SEC16A: variants seen among roughly 807,000 people sequenced by gnomAD.
SEC16A encodes SEC16 homolog A, endoplasmic reticulum export factor.
A neutral mutation model predicts 221.9 loss-of-function variants in SEC16A; 110 were observed. That is an observed-to-expected ratio of 0.50 (90% CI 0.42 to 0.58). The LOEUF (loss-of-function observed/expected upper bound fraction) is 0.58. Ranked by LOEUF, SEC16A falls within the 20% of genes least tolerant of loss-of-function variation. The pLI, the probability that SEC16A is intolerant of heterozygous loss-of-function variation, is 0.00. For synonymous variants in SEC16A, 1,393 were observed against 1,257.7 expected (o/e 1.11, Z -2.28); for missense variants, 3,165 against 3,097.8 (o/e 1.02, Z -0.52).
In SEC16A at chr9:136,447,588, G is replaced by A. The variant is rs767814796; in HGVS notation, c.6540C>T (p.Asn2180=). ...ALPGPPGAPV[N]MYSRRAAGTR... is the part of the protein sequence containing the mutation. ...CCTTACCTGCTCTTCTAGAGTACAT[G>A]TTCACGGGGGCTCCAGGAGGCCCTG... Residue 2180 remains asparagine, a synonymous_variant, in exon 26 of 32, where the codon AAC becomes AAT. Transcript: ENST00000684901. This position sits in a 1 kb window ranked among gnomAD's most constrained non-coding sequence, Gnocchi z 5.5. 3.1e-6 allele frequency: 5 copies of A among 1,613,486 alleles called. No individual in the cohort carries two copies. The highest frequency in any genetic ancestry group is 4.2e-6 in the Non-Finnish European group (5 of 1,179,446).
chr9:136,445,852 G>C (rs1836901662), intron 28 of SEC16A, 133 bp from the exon 29 acceptor site: 1 of 774,712 alleles, frequency 1.3e-6, no homozygotes, highest in Non-Finnish European at 2.1e-6. Context: ...TCCTCAGAGA[G>C]AAGTGAAAAG....
In SEC16A at chr9:136,459,041, G is replaced by C. The variant is rs953363544; in HGVS notation, c.5409+93C>G. ...CCAAAAAACTCACATCATTTTTTTC[G>C]ATACCAATTCAAACAATCTAAGTAG... On this transcript the variant is annotated intron_variant, in intron 17 of 31. Coordinates refer to ENST00000684901, the MANE Select transcript of SEC16A (RefSeq NM_014866.2). This position sits in a 1 kb window ranked among gnomAD's most constrained non-coding sequence, Gnocchi z 6.1. 1 of 793,642 alleles carries C rather than the reference G, an allele frequency of 1.3e-6. No individual in the cohort carries two copies. The highest frequency in any genetic ancestry group is 1.9e-6 in the Non-Finnish European group (1 of 517,476). The allele number at this position is 793,642 out of a possible 1,614,324, so 49.2% of individuals were successfully genotyped here.
In SEC16A at chr9:136,472,035, T is replaced by C. The variant is rs968420041; in HGVS notation, c.3644A>G (p.Tyr1215Cys). The change falls in exon 4 of 32, where the codon TAT becomes TGT. Residue 1215 changes from tyrosine to cysteine, a missense_variant. This residue lies in a region of SEC16A where 2,030 missense variants were observed against 1,923.1 expected (regional missense o/e 1.06). Coordinates refer to ENST00000684901, the MANE Select transcript of SEC16A (RefSeq NM_014866.2). ...GGAGCTGGGCCGCTCGGGCTCGGGA[T>C]AGCGGTAGTTCTGGGCGTAAGCAGA... ...AASAYAQNYR[Y>C]PEPERPSSRA... The C allele has an allele frequency of 6.2e-6, 10 of 1,612,812 alleles. No individual in the cohort carries two copies. Among genetic ancestry groups the C allele is most frequent in the Admixed American group, 5.0e-5 (3 of 60,022 alleles).
intron 23 of SEC16A, chr9:136,448,822 G>A (rs1837399451): frequency 1.4e-6 from 1 of 714,366 alleles, no homozygotes. Context: ...GAGGATGGAG[G>A]TGGGAAGCAG....
At chr9:136,449,267 C>T (rs3124997) in intron 23 of SEC16A, among the ~76,000 whole-genome samples, 152,326 of 152,326 alleles carry the variant, frequency 1, 76,163 homozygotes, top group Non-Finnish European at 1. Context: ...TGTTAGTTTT[C>T]TGAGACAGAG....
chr9:136,467,972 C>A (rs546292636), intron 5 of SEC16A, among the ~76,000 whole-genome samples: 159 of 152,346 alleles, frequency 1.0e-3, no homozygotes, highest in African/African-American at 3.4e-3. Context: ...TGGGGTGGCC[C>A]ATGTCCACAC....
intron 4 of SEC16A, 115 bp downstream of exon 4, chr9:136,471,860 G>T: frequency 1.6e-6 from 2 of 1,251,332 alleles, no homozygotes; most frequent in Non-Finnish European, 2.3e-6. Flanking sequence ...AGATAAGTTT[G>T]TACAATTCTT....
At chr9:136,483,551 C>T (rs376776341), upstream of SEC16A, 2 of 985,232 alleles carry the variant, frequency 2.0e-6, no homozygotes. Flanking sequence ...CCAGGCGCGC[C>T]GGGGCCGTCC....
intron 29 of SEC16A, 61 bp from the exon 30 acceptor site, chr9:136,445,172 C>G: frequency 1.4e-6 from 2 of 1,394,862 alleles, no homozygotes; most frequent in Non-Finnish European, 2.0e-6. Flanking sequence ...CGTCACTGTC[C>G]AATCCAAGCT....
At chr9:136,478,182 A>G (rs2133018609) in intron 2 of SEC16A, among the ~76,000 whole-genome samples, 1 of 152,334 alleles carries the variant, frequency 6.6e-6, no homozygotes, top group East Asian at 1.9e-4. Context: ...AGGCGGGAGG[A>G]CCACTTGAGC....
chr9:136,457,676 C>T, intron 17 of SEC16A, 92 bp from the exon 18 acceptor site: 1 of 1,441,984 alleles, frequency 6.9e-7, no homozygotes, highest in Non-Finnish European at 9.4e-7. Flanking sequence ...GGCTCCCCTG[C>T]ATCCGAGCAT....
chr9:136,455,862 C>A (rs1020580163), intron 19 of SEC16A, 69 bp from the exon 20 acceptor site: 2 of 1,443,772 alleles, frequency 1.4e-6, no homozygotes, highest in African/African-American at 1.4e-5. Flanking sequence ...CCGCCTGCCA[C>A]CACCGCGCTT....
At chr9:136,461,319 T>C in intron 12 of SEC16A, 45 bp from the exon 13 acceptor site, 1 of 1,401,060 alleles carries the variant, frequency 7.1e-7, no homozygotes, top group Non-Finnish European at 9.9e-7. Flanking sequence ...TCGGCGGCGC[T>C]CACGTGACAT....
chr9:136,452,346 G>A (rs1245185744), intron 22 of SEC16A, among the ~76,000 whole-genome samples: 1 of 149,710 alleles, frequency 6.7e-6, no homozygotes, highest in Non-Finnish European at 1.5e-5. Flanking sequence ...AGCTACTCAG[G>A]AGGCTGAGGC....
At position 136,476,032 on chromosome 9, in the gene SEC16A, T is replaced by C; in HGVS notation, c.1584A>G (p.Arg528=). The change falls in exon 3 of 32, where the codon AGA becomes AGG. Residue 528 remains arginine (R), a synonymous_variant. Coordinates refer to ENST00000684901, the MANE Select transcript of SEC16A (RefSeq NM_014866.2). The part of the protein sequence containing the change: ...PDSVSSSYSS[R]SHGRLSGSAR... ...CTGAGCCTGAGAGCCTTCCGTGGCT[T>C]CTGCTGCTATAGCTGGATGACACGC... The C allele has an allele frequency of 3.1e-6, 5 of 1,613,396 alleles. No homozygotes were observed. The South Asian group carries it at 5.5e-5, about 18-fold the overall frequency.
In SEC16A at chr9:136,443,828, C is replaced by A. The variant is rs1366545199; in HGVS notation, c.7000G>T (p.Ala2334Ser). 1 of 1,611,016 alleles carries A rather than the reference C, an allele frequency of 6.2e-7. No individual in the cohort carries two copies. Among genetic ancestry groups the A allele is most frequent in the East Asian group, 2.2e-5 (1 of 44,794 alleles). Residue 2334 changes from alanine to serine, a missense_variant, in exon 31 of 32, where the codon GCA becomes TCA. Around this residue, in one of 3 missense-constraint regions of SEC16A, gnomAD observed 1,088 missense variants for 1,089.6 expected, o/e 1.00. Transcript: ENST00000684901. ...AMPFYNPAQL[A>S]QACATSGSSR... Reference sequence around the variant, plus strand: ...GAAAGGTAGGAGTCACTCACCTGTGCCAGCTGAGCAGGGTTGTAGAAGGGC... The same window carrying A: ...GAAAGGTAGGAGTCACTCACCTGTGACAGCTGAGCAGGGTTGTAGAAGGGC...
rs1469791522 is a variant in SEC16A, at chr9:136,474,685, A to G, written c.2931T>C (p.Asp977=). 2 of 1,613,788 alleles carry G rather than the reference A, an allele frequency of 1.2e-6. No homozygotes were observed. Among genetic ancestry groups the G allele is most frequent in the Admixed American group, 1.7e-5 (1 of 60,026 alleles). ...VPPAHGTLVP[D]GNKANHSSHQ... ...GACTGGAATGGTTTGCCTTATTACC[A>G]TCAGGCACCAGGGTGCCGTGTGCAG... is the stretch of plus-strand genomic sequence containing the variant. The change falls in exon 3 of 32, where the codon GAT becomes GAC. Residue 977 remains aspartate (D), a synonymous_variant. Transcript: ENST00000684901.
At chr9:136,483,090 A>G, upstream of SEC16A, 4 of 900,540 alleles carry the variant, frequency 4.4e-6, no homozygotes, top group Non-Finnish European at 4.0e-6. Flanking sequence ...GGCTTACGAC[A>G]TCAGCGCGCG....
chr9:136,466,211 G>T lies in SEC16A; in HGVS notation c.4128+53C>A. On this transcript the variant is annotated intron_variant, in intron 7 of 31. Transcript: ENST00000684901. The surrounding 1 kb of genome is among the most constrained non-coding windows in gnomAD (Gnocchi z 5.5). The stretch of plus-strand genomic sequence containing the variant: ...AAAACTTTAGGTACATTGCAAACAG[G>T]ATGGTGGTTCTAAACACAACCGTCC... 6.4e-7 allele frequency: 1 copy of T among 1,574,260 alleles called. No individual in the cohort carries two copies. The highest frequency in any genetic ancestry group is 8.6e-7 in the Non-Finnish European group (1 of 1,156,960).
Sources: gnomAD v4.1 joint callset for allele counts (sites outside exome capture counted in the v4.1 genomes callset) on GRCh38, gnomAD v4.1.1 for gene constraint, gnomAD v4.1.1 regional missense constraint, Gnocchi (gnomAD v3.1) non-coding constraint, MANE v1.5 for transcripts, NCBI Gene and HGNC (gene_info 2026-07-23, HGNC 2026-07-21) for gene names.